The following NKAIN3 variants were observed in gnomAD, a reference collection of about 807,000 sequenced individuals.
The protein encoded by NKAIN3 is sodium/potassium-transporting ATPase subunit beta-1-interacting protein 3.
NKAIN3 carries 25 observed loss-of-function variants against 30.2 expected under a neutral mutation model. The observed-to-expected ratio is 0.83, with a 90% CI of 0.60 to 1.16. NKAIN3 has a LOEUF of 1.16. NKAIN3 is among the 50% of genes most tolerant of loss of function. The pLI is 0.00. For synonymous variants in NKAIN3, 91 were observed against 89.6 expected (o/e 1.02, Z -0.09); for missense variants, 225 against 254.1 (o/e 0.89, Z 0.78).
In NKAIN3 at chr8:62,880,595, T is replaced by C. The variant is rs946301268; in HGVS notation, c.472-37858T>C. ...CACACTTTAAGTAGATTGATCTTTTTCCCTTAAAAAAATGGAATTTTAAAA... is the reference window on the plus strand; with the variant it reads ...CACACTTTAAGTAGATTGATCTTTTCCCCTTAAAAAAATGGAATTTTAAAA... On this transcript the variant is annotated intron_variant, in intron 4 of 6. Transcript: ENST00000623646. 2.0e-5 allele frequency among the ~76,000 whole-genome samples: 3 copies of C among 152,278 alleles called. No homozygotes were observed. The East Asian group carries it at 5.8e-4, about 29-fold the overall frequency.
At chr8:62,774,988 T>G (rs1304761682) in intron 4 of NKAIN3, among the ~76,000 whole-genome samples, 3 of 152,178 alleles carry the variant, frequency 2.0e-5, no homozygotes, top group African/African-American at 4.8e-5. Context: ...GTATTTGTTC[T>G]TCTTTAAATG....
chr8:62,712,206 C>T (rs535756905), intron 3 of NKAIN3, among the ~76,000 whole-genome samples: 55 of 152,192 alleles, frequency 3.6e-4, no homozygotes, highest in Middle Eastern at 3.4e-3. Context: ...TATTTTTGTG[C>T]GGTTGGCCTC....
intron 4 of NKAIN3, among the ~76,000 whole-genome samples, chr8:62,832,031 A>G (rs538784785): frequency 1.3e-5 from 2 of 152,164 alleles, no homozygotes; most frequent in South Asian, 2.1e-4. Context: ...TCAGTAAAAA[A>G]TATACAAACC....
intron 4 of NKAIN3, among the ~76,000 whole-genome samples, chr8:62,787,732 A>G (rs1328603293): frequency 6.6e-6 from 1 of 151,430 alleles, no homozygotes; most frequent in African/African-American, 2.4e-5. Flanking sequence ...TCCTGTGTCC[A>G]TGTGTTCTCA....
intron 3 of NKAIN3, among the ~76,000 whole-genome samples, chr8:62,674,764 A>G (rs1052332305): frequency 1.3e-5 from 2 of 152,176 alleles, no homozygotes; most frequent in African/African-American, 4.8e-5. Context: ...AGATATTCCA[A>G]TGAGAGACTA....
intron 5 of NKAIN3, among the ~76,000 whole-genome samples, chr8:62,939,041 AAAG>A (rs1822869489): frequency 6.6e-6 from 1 of 152,210 alleles, no homozygotes; most frequent in Admixed American, 6.5e-5. Context: ...AGAGAAATAG[AAAG>A]CACAAATTTT....
At chr8:62,546,850 G>A (rs573513081) in intron 1 of NKAIN3, among the ~76,000 whole-genome samples, 1 of 152,100 alleles carries the variant, frequency 6.6e-6, no homozygotes, top group Non-Finnish European at 1.5e-5. Flanking sequence ...TCTGACAGAG[G>A]GTGCCAAGAA....
chr8:62,686,118 C>T lies in NKAIN3; in HGVS notation c.274-60814C>T, dbSNP rs915363314. On this transcript the variant is annotated intron_variant, in intron 3 of 6. Transcript: ENST00000623646. ...TATCACGGCTTACTCTCCAAGGCCA[C>T]GTTCTCCCCAGTCTGCTCCTAGCAA... 5.9e-5 allele frequency among the ~76,000 whole-genome samples: 9 copies of T among 152,258 alleles called. No individual in the cohort carries two copies. The South Asian group carries it at 1.2e-3, about 21-fold the overall frequency.
chr8:62,611,068 G>A (rs969080410), intron 3 of NKAIN3, among the ~76,000 whole-genome samples: 5 of 152,174 alleles, frequency 3.3e-5, no homozygotes, highest in Non-Finnish European at 7.4e-5. Flanking sequence ...CTATCAGCCA[G>A]ACAGTCTTTA....
intron 4 of NKAIN3, among the ~76,000 whole-genome samples, chr8:62,828,855 G>A (rs1357797070): frequency 6.6e-6 from 1 of 152,140 alleles, no homozygotes; most frequent in East Asian, 1.9e-4. Flanking sequence ...TGAGCTCCCA[G>A]CCAGCAGCTA....
chr8:62,710,183 G>C (rs1012222755), intron 3 of NKAIN3, among the ~76,000 whole-genome samples: 1 of 152,066 alleles, frequency 6.6e-6, no homozygotes, highest in African/African-American at 2.4e-5. Context: ...CTGTTGAATG[G>C]AATGTGTATT....
intron 5 of NKAIN3, among the ~76,000 whole-genome samples, chr8:62,933,443 G>A (rs12676096): frequency 0.11 from 16,315 of 151,892 alleles, 969 homozygotes; most frequent in East Asian, 0.16. Flanking sequence ...AATATATTGC[G>A]GGAAAAAACT....
chr8:62,620,191 G>T (rs1266429296), intron 3 of NKAIN3, among the ~76,000 whole-genome samples: 1 of 152,090 alleles, frequency 6.6e-6, no homozygotes. Flanking sequence ...ACTTAGCAAG[G>T]CCAGTTCCTT....
rs543433295 is a variant in NKAIN3 at position 62,664,968 on chromosome 8, T to C, written c.273+75174T>C. Reference sequence around the variant, plus strand: ...AACCTCTATTTCCAACCTCAACTCTTCTTTTAATTCTAGAGACTTTTGAAA... The same window carrying C: ...AACCTCTATTTCCAACCTCAACTCTCCTTTTAATTCTAGAGACTTTTGAAA... On this transcript the variant is annotated intron_variant, in intron 3 of 6. Coordinates refer to ENST00000623646, the MANE Select transcript of NKAIN3 (RefSeq NM_001304533.3). 3.9e-5 allele frequency among the ~76,000 whole-genome samples: 6 copies of C among 152,306 alleles called. No homozygotes were observed. The South Asian group carries it at 1.0e-3, about 26-fold the overall frequency.
chr8:62,354,895 ACCCAGGAC>A (rs1816298038), intron 1 of NKAIN3, among the ~76,000 whole-genome samples: 1 of 152,108 alleles, frequency 6.6e-6, no homozygotes, highest in Admixed American at 6.6e-5. Flanking sequence ...TGCACTTAGG[ACCCAGGAC>A]CTTTTCCAAT....
At chr8:62,589,911 G>A (rs1292280253) in intron 3 of NKAIN3, 117 bp downstream of exon 3, 2 of 366,302 alleles carry the variant, frequency 5.5e-6, no homozygotes, top group African/African-American at 4.7e-5. Flanking sequence ...GTGTGTGTGT[G>A]TGTGTATAGA....
intron 2 of NKAIN3, among the ~76,000 whole-genome samples, chr8:62,585,256 G>T (rs1810432641): frequency 1.3e-5 from 2 of 152,090 alleles, no homozygotes; most frequent in African/African-American, 4.8e-5. Context: ...AATTGAGGAG[G>T]CCTCTCGGCA....
intron 1 of NKAIN3, among the ~76,000 whole-genome samples, chr8:62,399,247 T>G (rs1817859865): frequency 6.6e-6 from 1 of 152,232 alleles, no homozygotes; most frequent in Non-Finnish European, 1.5e-5. Context: ...AGCTCATGCT[T>G]GTAATCTCAG....
At chr8:62,488,858 A>G (rs748811930) in intron 1 of NKAIN3, among the ~76,000 whole-genome samples, 1 of 152,126 alleles carries the variant, frequency 6.6e-6, no homozygotes, top group Non-Finnish European at 1.5e-5. Flanking sequence ...ACTACAAACT[A>G]TTGGTTCAAC....
Sources: gnomAD v4.1 joint callset for allele counts (sites outside exome capture counted in the v4.1 genomes callset) on GRCh38, gnomAD v4.1.1 for gene constraint, MANE v1.5 for transcripts, NCBI Gene and HGNC (gene_info 2026-07-23, HGNC 2026-07-21) for gene names.